IMPACT: variants seen among roughly 807,000 people sequenced by gnomAD.
IMPACT encodes impact RWD domain protein.
IMPACT carries 35 observed loss-of-function variants against 47.5 expected under a neutral mutation model. The ratio of observed to expected loss-of-function variants is 0.74; its 90% CI spans 0.56 to 0.98. The LOEUF is 0.98. Among genes scored for constraint, IMPACT ranks in the 50% least tolerant of loss-of-function variants. IMPACT has a pLI of 0.00. For missense variants in IMPACT, 373 were observed against 394.8 expected, an observed-to-expected ratio of 0.94 and a Z score of 0.47; for synonymous variants, 118 against 125.6, an observed-to-expected ratio of 0.94 and a Z score of 0.40.
At chr18:24,447,320 C>G (rs556950777) in intron 8 of IMPACT, among the ~76,000 whole-genome samples, 5 of 152,192 alleles carry the variant, frequency 3.3e-5, no homozygotes, top group African/African-American at 1.2e-4. Context: ...TACATTTACC[C>G]AGTTCCACAT....
chr18:24,442,857 T>C (rs574848347), intron 6 of IMPACT, among the ~76,000 whole-genome samples, 192 bp from the exon 7 acceptor site: 2 of 152,230 alleles, frequency 1.3e-5, no homozygotes, highest in African/African-American at 4.8e-5. Context: ...TTTAATCTTA[T>C]GTACAATATA....
chr18:24,434,906 G>GTGTATATATA (rs1287409681), intron 4 of IMPACT, among the ~76,000 whole-genome samples: 12,652 of 40,442 alleles, frequency 0.31, 808 homozygotes, highest in Admixed American at 0.38. Flanking sequence ...GTATATATAT[G>GTGTATATATA]TGTGTGTATA....
At chr18:24,450,206 G>A (rs1157939928) in intron 10 of IMPACT, among the ~76,000 whole-genome samples, 1 of 152,048 alleles carries the variant, frequency 6.6e-6, no homozygotes, top group Non-Finnish European at 1.5e-5. Flanking sequence ...GATTTCATAG[G>A]TTCATAGAAT....
Position 24,450,863 on chromosome 18 carries a change from G to A in IMPACT, c.*16G>A. On this transcript the variant is annotated 3_prime_UTR_variant, in exon 11 of 11. Coordinates refer to ENST00000284202, the MANE Select transcript of IMPACT (RefSeq NM_018439.4). ...TGAACATTAATACCTGAAACTATAG[G>A]AAAGGTTAATTTGCCTATAATTATA... is the stretch of plus-strand genomic sequence containing the variant. 1 of 1,462,870 alleles carries A rather than the reference G, an allele frequency of 6.8e-7. No individual in the cohort carries two copies. Among genetic ancestry groups the A allele is most frequent in the Non-Finnish European group, 9.6e-7 (1 of 1,045,388 alleles). 90.6% of individuals were successfully genotyped at this position (1,462,870 alleles called of 1,614,324 possible).
intron 5 of IMPACT, among the ~76,000 whole-genome samples, chr18:24,439,145 A>G (rs181424818): frequency 2.6e-5 from 4 of 152,338 alleles, no homozygotes; most frequent in Admixed American, 6.5e-5. Flanking sequence ...TATGGAAGAC[A>G]GTCTGCTTTA....
chr18:24,447,732 C>G (rs1425790064), intron 8 of IMPACT, among the ~76,000 whole-genome samples: 1 of 151,930 alleles, frequency 6.6e-6, no homozygotes, highest in Non-Finnish European at 1.5e-5. Context: ...TGTCTTAGTA[C>G]CTGTTGCTTT....
At chr18:24,446,709 AT>A (rs1279123776) in intron 8 of IMPACT, among the ~76,000 whole-genome samples, 1 of 152,170 alleles carries the variant, frequency 6.6e-6, no homozygotes, top group African/African-American at 2.4e-5. Flanking sequence ...CTTACAAACA[AT>A]TATTTGTTAT....
rs147569162 is a variant in IMPACT at position 24,442,294 on chromosome 18, C to T, written c.491-755C>T. On this transcript the variant is annotated intron_variant, in intron 6 of 10. Transcript: ENST00000284202. ...TCAGCCTCCCGAGTAGCTGGAATTA[C>T]AGGCACACGCCACCATGCCCAGCTA... Among the ~76,000 whole-genome samples, 468 of 151,938 alleles carry T rather than the reference C, an allele frequency of 3.1e-3. 1 individual carries two copies. Among genetic ancestry groups the T allele is most frequent in the African/African-American group, 0.011 (441 of 41,446 alleles).
At chr18:24,440,709 T>C (rs1909086406) in intron 6 of IMPACT, 91 bp downstream of exon 6, 2 of 1,212,190 alleles carry the variant, frequency 1.6e-6, no homozygotes, top group Non-Finnish European at 2.2e-6. Context: ...TTACTAATTT[T>C]CTCCAGTTTT....
chr18:24,431,411 A>G (rs1366848135), intron 4 of IMPACT, among the ~76,000 whole-genome samples: 1 of 152,180 alleles, frequency 6.6e-6, no homozygotes, highest in Non-Finnish European at 1.5e-5. Flanking sequence ...GAGGTAGACA[A>G]GACAGATCCT....
rs1420695733 is a variant in IMPACT, at chr18:24,450,900, T to C, written c.*53T>C. On this transcript the variant is annotated 3_prime_UTR_variant, in exon 11 of 11. Coordinates refer to ENST00000284202, the MANE Select transcript of IMPACT (RefSeq NM_018439.4). The stretch of plus-strand genomic sequence containing the variant: ...TGCCTATAATTATATATACATTCCA[T>C]AGTCATCAAGGAATATATTGTGCAG... The C allele has an allele frequency of 9.2e-6, 10 of 1,081,178 alleles. No individual in the cohort carries two copies. Among genetic ancestry groups the C allele is most frequent in the East Asian group, 4.8e-5 (2 of 41,478 alleles). 67.0% of individuals were successfully genotyped at this position (1,081,178 alleles called of 1,614,324 possible).
Position 24,426,698 on chromosome 18 carries a change from C to A in IMPACT, c.-59C>A. 8.3e-7 allele frequency: 1 copy of A among 1,205,974 alleles called. No homozygotes were observed. The highest frequency in any genetic ancestry group is 1.0e-6 in the Non-Finnish European group (1 of 961,760). The allele number at this position is 1,205,974 out of a possible 1,614,324, so 74.7% of individuals were successfully genotyped here. On this transcript the variant is annotated 5_prime_UTR_variant, in exon 1 of 11. Coordinates refer to ENST00000284202, the MANE Select transcript of IMPACT (RefSeq NM_018439.4). ...CAGCTCTCGGCTCGCAGCCGCAGCG[C>A]CCCGCCCCCGCGCTCCGGACCTGGC...
At chr18:24,442,875 A>G (rs1217471091) in intron 6 of IMPACT, among the ~76,000 whole-genome samples, 174 bp from the exon 7 acceptor site, 1 of 152,188 alleles carries the variant, frequency 6.6e-6, no homozygotes, top group Non-Finnish European at 1.5e-5. Context: ...ATAGTTAGAA[A>G]CTTTTTACTT....
At chr18:24,447,563 T>C (rs1436133088) in intron 8 of IMPACT, among the ~76,000 whole-genome samples, 1 of 152,042 alleles carries the variant, frequency 6.6e-6, no homozygotes, top group East Asian at 1.9e-4. Context: ...TAGAAGAAAA[T>C]AGAGAAATGC....
At position 24,449,803 on chromosome 18, in the gene IMPACT, T is replaced by C; in HGVS notation, c.760-16T>C. 1 of 1,606,046 alleles carries C rather than the reference T, an allele frequency of 6.2e-7. No individual in the cohort carries two copies. The highest frequency in any genetic ancestry group is 1.3e-5 in the African/African-American group (1 of 74,844). ...TGTCTGTCTATGTATCTAATTATGC[T>C]TCCAAAAAATAACAGATTTTGAATG... is the stretch of plus-strand genomic sequence containing the variant. On this transcript the variant is annotated splice_polypyrimidine_tract_variant and intron_variant, in intron 9 of 10. Coordinates refer to ENST00000284202, the MANE Select transcript of IMPACT (RefSeq NM_018439.4).
At chr18:24,440,855 A>AT (rs1320192058) in intron 6 of IMPACT, among the ~76,000 whole-genome samples, 1 of 152,160 alleles carries the variant, frequency 6.6e-6, no homozygotes. Context: ...TAGAGTTTTG[A>AT]TTTAGTGATG....
chr18:24,441,325 T>C (rs1599765602), intron 6 of IMPACT, among the ~76,000 whole-genome samples: 1 of 152,216 alleles, frequency 6.6e-6, no homozygotes, highest in South Asian at 2.1e-4. Context: ...CCTACGTATC[T>C]GGGATTACTG....
In IMPACT at chr18:24,438,820, T is replaced by C. The variant is rs200927039; in HGVS notation, c.367+780T>C. Among the ~76,000 whole-genome samples the C allele has an allele frequency of 1.1e-3, 168 of 152,266 alleles. 2 individuals are homozygous for C. The East Asian group carries it at 0.03, about 27-fold the overall frequency. ...TACCTTGATGTCTCGGTTACGGTGG[T>C]GTTCGCCAAATGTCTCCACTGTAAA... On this transcript the variant is annotated intron_variant, in intron 5 of 10. Coordinates refer to ENST00000284202, the MANE Select transcript of IMPACT (RefSeq NM_018439.4).
At chr18:24,448,010 T>C in intron 8 of IMPACT, 83 bp from the exon 9 acceptor site, 1 of 777,506 alleles carries the variant, frequency 1.3e-6, no homozygotes, top group Non-Finnish European at 2.1e-6. Flanking sequence ...TTGGAAGTAA[T>C]CAAAATGATC....
Sources: gnomAD v4.1 joint callset for allele counts (sites outside exome capture counted in the v4.1 genomes callset) on GRCh38, gnomAD v4.1.1 for gene constraint, MANE v1.5 for transcripts, NCBI Gene and HGNC (gene_info 2026-07-23, HGNC 2026-07-21) for gene names.